SSBP2: variants seen among roughly 807,000 people sequenced by gnomAD.
The protein encoded by SSBP2 is single stranded DNA binding protein 2.
A neutral mutation model predicts 61.8 loss-of-function variants in SSBP2; 17 were observed. The observed-to-expected ratio is 0.28, with a 90% CI of 0.19 to 0.41. The LOEUF (loss-of-function observed/expected upper bound fraction) is 0.41, where lower values mean the gene tolerates loss of function less well. SSBP2 is among the 10% of genes least tolerant of loss of function. The pLI is 1.00. For missense variants in SSBP2, 310 were observed against 458.7 expected, an observed-to-expected ratio of 0.68 and a Z score of 2.96; for synonymous variants, 139 against 141.3, an observed-to-expected ratio of 0.98 and a Z score of 0.12.
intron 1 of SSBP2, among the ~76,000 whole-genome samples, chr5:81,701,390 T>G (rs555840762): frequency 2.4e-4 from 37 of 152,184 alleles, no homozygotes; most frequent in Middle Eastern, 3.4e-3. Flanking sequence ...TAATAAAAAG[T>G]TTGAAATAGA....
chr5:81,652,759 T>G (rs1020395865), intron 1 of SSBP2, among the ~76,000 whole-genome samples: 1 of 152,122 alleles, frequency 6.6e-6, no homozygotes, highest in Admixed American at 6.6e-5. Flanking sequence ...TCTCCAATTT[T>G]TTTTTTTCAT....
intron 1 of SSBP2, among the ~76,000 whole-genome samples, chr5:81,689,235 C>T (rs1320122464): frequency 1.3e-5 from 2 of 151,800 alleles, no homozygotes; most frequent in African/African-American, 2.4e-5. Context: ...AGGAAATAGC[C>T]TCAAAGGGCA....
intron 1 of SSBP2, among the ~76,000 whole-genome samples, chr5:81,745,837 A>G (rs1366354469): frequency 6.6e-6 from 1 of 152,112 alleles, no homozygotes; most frequent in Non-Finnish European, 1.5e-5. Context: ...CTAACTCTCA[A>G]CTACTGAGGT....
chr5:81,587,127 A>G (rs1172850386), intron 4 of SSBP2, among the ~76,000 whole-genome samples: 2 of 152,060 alleles, frequency 1.3e-5, no homozygotes, highest in Non-Finnish European at 2.9e-5. Flanking sequence ...ATAATAAATC[A>G]CAGTGTGTAT....
chr5:81,457,731 G>A (rs568605278), intron 10 of SSBP2, among the ~76,000 whole-genome samples: 2 of 151,580 alleles, frequency 1.3e-5, no homozygotes, highest in East Asian at 1.9e-4. Context: ...GCGCGATCTC[G>A]GCTCACTGCA....
At chr5:81,563,542 T>C (rs1225306403) in intron 4 of SSBP2, among the ~76,000 whole-genome samples, 2 of 152,104 alleles carry the variant, frequency 1.3e-5, no homozygotes, top group African/African-American at 4.8e-5. Context: ...ACTGAAACAG[T>C]GTAGTACTAG....
intron 4 of SSBP2, among the ~76,000 whole-genome samples, chr5:81,611,216 C>T (rs543153792): frequency 6.6e-6 from 1 of 152,118 alleles, no homozygotes; most frequent in African/African-American, 2.4e-5. Flanking sequence ...CCATCAAAAA[C>T]AAGACAACAT....
chr5:81,439,168 A>G (rs1364453388), intron 14 of SSBP2, among the ~76,000 whole-genome samples: 2 of 152,164 alleles, frequency 1.3e-5, no homozygotes, highest in East Asian at 1.9e-4. Flanking sequence ...GAAATCTTAT[A>G]TATAACCTAA....
chr5:81,604,532 A>C (rs1319272992), intron 4 of SSBP2, among the ~76,000 whole-genome samples: 1 of 152,102 alleles, frequency 6.6e-6, no homozygotes, highest in Non-Finnish European at 1.5e-5. Flanking sequence ...ACTAGTAGGG[A>C]GCAAGTTCCA....
chr5:81,684,060 A>T (rs558585626), intron 1 of SSBP2, among the ~76,000 whole-genome samples: 1 of 152,334 alleles, frequency 6.6e-6, no homozygotes, highest in Admixed American at 6.5e-5. Context: ...ACAAAGCTAA[A>T]CACATTCTTA....
intron 4 of SSBP2, among the ~76,000 whole-genome samples, chr5:81,588,839 G>T (rs759653798): frequency 1.3e-5 from 2 of 152,160 alleles, no homozygotes; most frequent in African/African-American, 4.8e-5. Flanking sequence ...TGAGGCAGGT[G>T]GAACTCCTGA....
At chr5:81,529,166 T>C (rs1019984480) in intron 4 of SSBP2, among the ~76,000 whole-genome samples, 2 of 152,120 alleles carry the variant, frequency 1.3e-5, no homozygotes, top group African/African-American at 2.4e-5. Flanking sequence ...TAAGGTAATA[T>C]GTAGAATCAA....
At chr5:81,631,045 G>A (rs1747656823) in intron 3 of SSBP2, among the ~76,000 whole-genome samples, 1 of 151,594 alleles carries the variant, frequency 6.6e-6, no homozygotes, top group African/African-American at 2.4e-5. Flanking sequence ...AATTACATTT[G>A]GAAAAAAAAT....
chr5:81,471,728 C>T (rs1458795678), intron 8 of SSBP2, among the ~76,000 whole-genome samples: 3 of 151,808 alleles, frequency 2.0e-5, no homozygotes, highest in Non-Finnish European at 4.4e-5. Context: ...AATAACTGAG[C>T]CTAAATAAAA....
chr5:81,672,574 T>G (rs1751661043), intron 1 of SSBP2, among the ~76,000 whole-genome samples: 1 of 140,042 alleles, frequency 7.1e-6, no homozygotes, highest in African/African-American at 2.6e-5. Context: ...ATACTTTTTC[T>G]TTTTTTTTTT....
At chr5:81,744,173 T>A (rs887424238) in intron 1 of SSBP2, among the ~76,000 whole-genome samples, 1 of 152,208 alleles carries the variant, frequency 6.6e-6, no homozygotes, top group African/African-American at 2.4e-5. Context: ...TGTTAAGCAA[T>A]AATTTTCTAT....
intron 4 of SSBP2, among the ~76,000 whole-genome samples, chr5:81,602,550 G>A (rs1744467787): frequency 6.6e-6 from 1 of 152,114 alleles, no homozygotes; most frequent in Non-Finnish European, 1.5e-5. Context: ...AATCTTTGAG[G>A]ACTTAACAAA....
chr5:81,442,291 CAA>C (rs1037639540), intron 13 of SSBP2, among the ~76,000 whole-genome samples: 26 of 151,258 alleles, frequency 1.7e-4, no homozygotes, highest in Non-Finnish European at 3.2e-4. Context: ...TTTATCAGGA[CAA>C]AAAAAGATCA....
At chr5:81,667,339 A>G (rs961344706) in intron 1 of SSBP2, among the ~76,000 whole-genome samples, 28 of 149,908 alleles carry the variant, frequency 1.9e-4, no homozygotes, top group Non-Finnish European at 4.4e-5. Context: ...ACACGCTCCA[A>G]CAATCCATAT....
Sources: allele counts gnomAD v4.1 joint callset (sites outside exome capture counted in the v4.1 genomes callset), GRCh38; gene constraint gnomAD v4.1.1; transcripts MANE v1.5; gene names NCBI Gene and HGNC (gene_info 2026-07-23, HGNC 2026-07-21).